MADD: variants seen among roughly 807,000 people sequenced by gnomAD.
MADD encodes the protein MAP kinase activating death domain, also known as MAP kinase-activating death domain protein.
Under a neutral mutation model 176.7 loss-of-function variants are expected in MADD, and 109 were observed. The ratio of observed to expected loss-of-function variants is 0.62; its 90% CI spans 0.53 to 0.72. The LOEUF is 0.72. MADD is among the 30% of genes least tolerant of loss of function. MADD has a pLI of 0.00. For missense variants in MADD, 1,914 were observed against 2,045.5 expected (o/e 0.94, Z 1.24); for synonymous variants, 771 against 771.3 (o/e 1.00, Z 0.01).
At position 47,323,695 on chromosome 11, in the gene MADD, C is replaced by T. The variant is rs141562374; in HGVS notation, c.4222C>T (p.Arg1408Cys). ...GGTGTGCGATGACTGTGTGGTGTTG[C>T]GTAGTAACATCGGAACAGTGTATGA... Residue 1408 changes from arginine (R) to cysteine (C), a missense_variant, in exon 28 of 33, where the codon CGT (arginine) becomes TGT (cysteine). Transcript: ENST00000402192. The T allele has an allele frequency of 3.5e-5, 56 of 1,613,608 alleles. No homozygotes were observed. The highest frequency in any genetic ancestry group is 4.7e-5 in the Non-Finnish European group (55 of 1,179,944).
intron 10 of MADD, among the ~76,000 whole-genome samples, chr11:47,283,577 A>G (rs183834631): frequency 6.0e-4 from 91 of 151,250 alleles, no homozygotes; most frequent in African/African-American, 2.0e-3. Flanking sequence ...ATTTTTGTAT[A>G]TATATATTTT....
exon 10 of MADD, chr11:47,282,953 G>A (rs1260670139): frequency 5.0e-6 from 8 of 1,613,536 alleles, no homozygotes; most frequent in Admixed American, 1.7e-5. Flanking sequence ...CTCTGACTCC[G>A]AACCTACTGA....
chr11:47,325,822 C>G lies in MADD; in HGVS notation c.4543-916C>G, dbSNP rs955582021. 6.6e-6 allele frequency among the ~76,000 whole-genome samples: 1 copy of G among 152,238 alleles called. No individual in the cohort carries two copies. Among genetic ancestry groups the G allele is most frequent in the Admixed American group, 6.5e-5 (1 of 15,280 alleles). On this transcript the variant is annotated intron_variant, in intron 30 of 32. Transcript: ENST00000402192. The surrounding 1 kb of genome is among the most constrained non-coding windows in gnomAD (Gnocchi z 4.5). Reference sequence around the variant, plus strand: ...TCCTCGTCCTGCCCTTGGCATAGCCCCACTGGGCAGCCATCCAAGCCAGTC... The same window carrying G: ...TCCTCGTCCTGCCCTTGGCATAGCCGCACTGGGCAGCCATCCAAGCCAGTC...
intron 10 of MADD, among the ~76,000 whole-genome samples, chr11:47,283,177 T>C (rs899060411): frequency 6.6e-6 from 1 of 152,222 alleles, no homozygotes; most frequent in Non-Finnish European, 1.5e-5. Flanking sequence ...CACTGCCAGC[T>C]CCGCCTCCCG....
At chr11:47,309,299 T>C in exon 24 of MADD, 1 of 1,614,220 alleles carries the variant, frequency 6.2e-7, no homozygotes, top group South Asian at 1.1e-5. Flanking sequence ...CGTTCTACTT[T>C]ATGGGACCAA....
chr11:47,284,644 TATTC>T, intron 12 of MADD, 79 bp downstream of exon 12: 1 of 1,508,518 alleles, frequency 6.6e-7, no homozygotes, highest in Non-Finnish European at 8.9e-7. Context: ...AGGCTGTAGC[TATTC>T]ATTTGCTGCT....
intron 22 of MADD, among the ~76,000 whole-genome samples, chr11:47,303,409 TA>T (rs1293141028): frequency 6.6e-6 from 1 of 151,942 alleles, no homozygotes; most frequent in African/African-American, 2.4e-5. Context: ...GGCTAATTTT[TA>T]TGTATTTTTA....
chr11:47,299,785 C>T (rs1238256009), intron 22 of MADD, among the ~76,000 whole-genome samples: 2 of 151,948 alleles, frequency 1.3e-5, no homozygotes, highest in Non-Finnish European at 2.9e-5. Flanking sequence ...CCGCCTTGGC[C>T]ACCCAAAGTG....
chr11:47,315,415 T>A, intron 27 of MADD, 88 bp downstream of exon 30: 1 of 714,468 alleles, frequency 1.4e-6, no homozygotes, highest in Non-Finnish European at 2.5e-6. Context: ...TTTTCTCATT[T>A]ATCTCATTCA....
chr11:47,271,232 A>C (rs1963044655), intron 1 of MADD: 1 of 152,204 alleles, frequency 6.6e-6, no homozygotes, highest in Non-Finnish European at 1.5e-5. Flanking sequence ...GTTGGTTGTG[A>C]AGACAAGAGT....
intron 13 of MADD, 45 bp from the exon 14 acceptor site, chr11:47,285,406 C>G: frequency 6.2e-7 from 1 of 1,611,948 alleles, no homozygotes; most frequent in African/African-American, 1.3e-5. Flanking sequence ...CTCCCAAGAT[C>G]AGGTACCCCT....
rs748913496 is a variant in MADD, at chr11:47,323,677, G to A, written c.4204G>A (p.Asp1402Asn). 14 of 1,612,934 alleles carry A rather than the reference G, an allele frequency of 8.7e-6. No homozygotes were observed. The South Asian group carries it at 9.9e-5, about 11-fold the overall frequency. The change falls in exon 28 of 33, where the codon GAT (aspartate) becomes AAT (asparagine). Residue 1402 changes from aspartate to asparagine, a missense_variant. Coordinates refer to ENST00000402192, the Ensembl canonical transcript of MADD. ...GCTTTGTGCACTTCTCCAGGTGTGC[G>A]ATGACTGTGTGGTGTTGCGTAGTAA...
chr11:47,270,503 G>C (rs1474385190), intron 1 of MADD, among the ~76,000 whole-genome samples: 1 of 149,776 alleles, frequency 6.7e-6, no homozygotes, highest in African/African-American at 2.4e-5. Context: ...GGTTCGGGGC[G>C]GGGGCGGGGG....
chr11:47,271,719 T>C (rs1169572457), intron 1 of MADD, among the ~76,000 whole-genome samples: 2 of 150,912 alleles, frequency 1.3e-5, no homozygotes, highest in Non-Finnish European at 3.0e-5. Context: ...TAGTCATTTC[T>C]ACATAATTCT....
Position 47,315,307 on chromosome 11 carries a change from G to GGA in MADD, c.4180_4181dup (p.Asp1394GlufsTer34), listed in dbSNP as rs755807211. The GGA allele has an allele frequency of 6.2e-7, 1 of 1,612,992 alleles. No homozygotes were observed. ...GGTACATGCAGGGACAGATACAAAC[G>GGA]GAGATATCTTTTTCATGGAGGTAGG... On this transcript the variant is annotated frameshift_variant, in exon 27 of 33. Coordinates refer to ENST00000402192, the Ensembl canonical transcript of MADD. LOFTEE classifies it high-confidence loss of function.
intron 27 of MADD, among the ~76,000 whole-genome samples, chr11:47,323,441 C>T (rs1289145698): frequency 6.6e-6 from 1 of 151,970 alleles, no homozygotes; most frequent in Non-Finnish European, 1.5e-5. Flanking sequence ...TGATTTGTGC[C>T]TCCTCCCTTA....
chr11:47,283,372 C>T (rs561552529), intron 10 of MADD, among the ~76,000 whole-genome samples: 12 of 152,212 alleles, frequency 7.9e-5, no homozygotes, highest in East Asian at 3.9e-4. Flanking sequence ...AGAATACAGG[C>T]GTGAGCCACC....
intron 32 of MADD, 111 bp downstream of exon 36, chr11:47,328,815 C>T (rs1443917261): frequency 7.9e-6 from 11 of 1,392,274 alleles, no homozygotes; most frequent in Middle Eastern, 1.9e-4. Flanking sequence ...GTGGGGACCT[C>T]GTTTTGTTGC....
At chr11:47,295,707 T>C in intron 21 of MADD, 128 bp downstream of exon 23, 1 of 1,553,722 alleles carries the variant, frequency 6.4e-7, no homozygotes, top group Non-Finnish European at 8.7e-7. Context: ...TGGAGATGTT[T>C]ACCATCATAG....
Sources: gnomAD v4.1 joint callset for allele counts (sites outside exome capture counted in the v4.1 genomes callset) on GRCh38, gnomAD v4.1.1 for gene constraint, Gnocchi (gnomAD v3.1) non-coding constraint, MANE v1.5 for transcripts, NCBI Gene and HGNC (gene_info 2026-07-23, HGNC 2026-07-21) for gene names.